SPIRE1: variants seen among roughly 807,000 people sequenced by gnomAD.
SPIRE1 encodes spire type actin nucleation factor 1.
A neutral mutation model predicts 94.1 loss-of-function variants in SPIRE1; 40 were observed. That is an observed-to-expected ratio of 0.43 (90% CI 0.33 to 0.55). SPIRE1 has a LOEUF of 0.55. SPIRE1 is among the 20% of genes least tolerant of loss of function. The pLI, the probability that SPIRE1 is intolerant of heterozygous loss-of-function variation, is 0.06. For synonymous variants in SPIRE1, 376 were observed against 371.7 expected (o/e 1.01, Z -0.13); for missense variants, 838 against 975.2 (o/e 0.86, Z 1.87).
chr18:12,594,860 C>T (rs891412977), intron 2 of SPIRE1, among the ~76,000 whole-genome samples: 1 of 152,194 alleles, frequency 6.6e-6, no homozygotes, highest in African/African-American at 2.4e-5. Context: ...ACCAATCCCT[C>T]CACTTCCTCA....
At chr18:12,488,724 T>C (rs972937214) in intron 8 of SPIRE1, among the ~76,000 whole-genome samples, 6 of 152,350 alleles carry the variant, frequency 3.9e-5, no homozygotes, top group Admixed American at 3.9e-4. Context: ...GCATGTTAGA[T>C]GTGGCAAATA....
intron 10 of SPIRE1, among the ~76,000 whole-genome samples, chr18:12,469,366 C>A (rs1182562670): frequency 6.6e-6 from 1 of 151,250 alleles, no homozygotes; most frequent in East Asian, 1.9e-4. Flanking sequence ...CCATGCCTGG[C>A]TAATTTATAT....
chr18:12,506,741 CAA>C, intron 5 of SPIRE1, 100 bp from the exon 6 acceptor site: 1 of 1,184,710 alleles, frequency 8.4e-7, no homozygotes, highest in South Asian at 1.5e-5. Flanking sequence ...GATTACAAAA[CAA>C]TGAGTAAACC....
At chr18:12,469,600 ATATT>A (rs1419129842) in intron 10 of SPIRE1, among the ~76,000 whole-genome samples, 6 of 144,834 alleles carry the variant, frequency 4.1e-5, no homozygotes, top group South Asian at 2.1e-4. Flanking sequence ...TATTATTTAT[ATATT>A]TATTTATATT....
chr18:12,520,351 C>T (rs575093), intron 4 of SPIRE1, among the ~76,000 whole-genome samples: 125,584 of 152,132 alleles, frequency 0.83, 52,036 homozygotes, highest in Middle Eastern at 0.89. Flanking sequence ...TTTTGAACCA[C>T]GTGAAATTTT....
chr18:12,554,126 C>T (rs58215411), intron 2 of SPIRE1, among the ~76,000 whole-genome samples: 60,856 of 151,664 alleles, frequency 0.4, 14,312 homozygotes, highest in East Asian at 0.59. Context: ...TGGTGAAACC[C>T]CGTCTCTACT....
chr18:12,492,801 CT>C (rs1277609613), intron 8 of SPIRE1, among the ~76,000 whole-genome samples: 1 of 152,130 alleles, frequency 6.6e-6, no homozygotes, highest in Non-Finnish European at 1.5e-5. Context: ...TGGCAGAGCT[CT>C]TTCAATTACG....
At chr18:12,515,606 C>T (rs564142318) in intron 4 of SPIRE1, among the ~76,000 whole-genome samples, 8 of 152,270 alleles carry the variant, frequency 5.3e-5, no homozygotes, top group African/African-American at 1.9e-4. Context: ...GTAAGCTGCC[C>T]TCTGTTTCAG....
intron 2 of SPIRE1, among the ~76,000 whole-genome samples, chr18:12,618,641 C>G (rs890150972): frequency 6.6e-6 from 1 of 152,114 alleles, no homozygotes. Context: ...GAAACAAAAA[C>G]CGCTCCAAAT....
chr18:12,657,508 G>C, intron 1 of SPIRE1, 22 bp downstream of exon 1: 1 of 1,229,598 alleles, frequency 8.1e-7, no homozygotes, highest in Non-Finnish European at 1.0e-6. Flanking sequence ...AACTACGAGG[G>C]AAAGGGGCCC....
intron 16 of SPIRE1, among the ~76,000 whole-genome samples, chr18:12,450,264 C>T (rs959198723): frequency 2.0e-5 from 3 of 151,202 alleles, no homozygotes; most frequent in African/African-American, 7.3e-5. Flanking sequence ...GAGGCTGAGG[C>T]GGGAGAATCG....
intron 4 of SPIRE1, among the ~76,000 whole-genome samples, chr18:12,529,402 T>C (rs564706003): frequency 6.6e-6 from 1 of 150,644 alleles, no homozygotes; most frequent in African/African-American, 2.4e-5. Flanking sequence ...GTGCTGAATA[T>C]ATAAAGGTGT....
chr18:12,526,643 T>C (rs1182404925), intron 4 of SPIRE1, among the ~76,000 whole-genome samples: 2 of 152,194 alleles, frequency 1.3e-5, no homozygotes, highest in Admixed American at 6.5e-5. Context: ...ACAGAGTAAG[T>C]ATGGAATAAA....
intron 5 of SPIRE1, among the ~76,000 whole-genome samples, chr18:12,511,958 G>T (rs2034047848): frequency 6.6e-6 from 1 of 152,074 alleles, no homozygotes; most frequent in African/African-American, 2.4e-5. Context: ...TCACTATGTT[G>T]TCCAGGCTGG....
At chr18:12,566,047 T>G (rs974801096) in intron 2 of SPIRE1, among the ~76,000 whole-genome samples, 2 of 146,240 alleles carry the variant, frequency 1.4e-5, no homozygotes, top group East Asian at 2.1e-4. Flanking sequence ...AAAAAAAAAA[T>G]TCTTTAGGCT....
intron 2 of SPIRE1, among the ~76,000 whole-genome samples, chr18:12,617,182 T>C (rs1251137367): frequency 1.6e-5 from 2 of 125,056 alleles, no homozygotes; most frequent in African/African-American, 5.9e-5. Flanking sequence ...TTTTTTGAAA[T>C]GGGGTCTCGC....
chr18:12,558,178 T>C (rs975321995), intron 2 of SPIRE1, among the ~76,000 whole-genome samples: 3 of 152,218 alleles, frequency 2.0e-5, no homozygotes, highest in African/African-American at 7.2e-5. Flanking sequence ...AGTTTCTTCC[T>C]TCAAATGTTT....
intron 8 of SPIRE1, among the ~76,000 whole-genome samples, chr18:12,490,078 A>G (rs556811425): frequency 6.6e-6 from 1 of 152,292 alleles, no homozygotes; most frequent in African/African-American, 2.4e-5. Context: ...AAAATCCCTT[A>G]CTTTACAATT....
chr18:12,558,343 C>T (rs2035579827), intron 2 of SPIRE1, among the ~76,000 whole-genome samples: 1 of 152,144 alleles, frequency 6.6e-6, no homozygotes, highest in Non-Finnish European at 1.5e-5. Flanking sequence ...TCGCTGGCTT[C>T]AGGAGTGAAG....
Sources: allele counts gnomAD v4.1 joint callset (sites outside exome capture counted in the v4.1 genomes callset), GRCh38; gene constraint gnomAD v4.1.1; transcripts MANE v1.5; gene names NCBI Gene and HGNC (gene_info 2026-07-23, HGNC 2026-07-21).